ERCC6: variants seen among roughly 807,000 people sequenced by gnomAD.
ERCC6 encodes the protein DNA excision repair protein ERCC-6.
Under a neutral mutation model 158.7 loss-of-function variants are expected in ERCC6, and 116 were observed. The ratio of observed to expected loss-of-function variants is 0.73; its 90% CI spans 0.63 to 0.85. ERCC6 has a LOEUF of 0.85. Ranked by LOEUF, ERCC6 falls within the 40% of genes least tolerant of loss-of-function variation. The probability of loss-of-function intolerance (pLI) is 0.00; values close to 1 mark genes in which losing one functional copy is unlikely to be tolerated. For missense variants in ERCC6, 1,698 were observed against 1,799.4 expected (o/e 0.94, Z 1.02); for synonymous variants, 678 against 659.3 (o/e 1.03, Z -0.43).
chr10:49,491,186 C>T (rs188449665), intron 8 of ERCC6, among the ~76,000 whole-genome samples: 2 of 152,176 alleles, frequency 1.3e-5, no homozygotes, highest in Non-Finnish European at 2.9e-5. Flanking sequence ...TCCAATGTGT[C>T]GTCACCACAA....
chr10:49,524,235 C>G lies in ERCC6; in HGVS notation c.1195G>C (p.Gly399Arg). The G allele has an allele frequency of 1.2e-6, 2 of 1,614,102 alleles. No homozygotes were observed. The highest frequency in any genetic ancestry group is 1.7e-6 in the Non-Finnish European group (2 of 1,180,014). ...EGAEADLSGD[G>R]TDYELKPLPK... ...AGAGGCTTCAGCTCATAGTCAGTAC[C>G]ATCTCCAGACAGGTCCGCCTCTGCC... is the stretch of plus-strand genomic sequence containing the variant. Residue 399 changes from glycine to arginine, a missense_variant, in exon 5 of 21, where the codon GGT becomes CGT. By Grantham distance (125) the Gly-to-Arg change is moderately radical. Coordinates refer to ENST00000355832, the MANE Select transcript of ERCC6 (RefSeq NM_000124.4).
downstream of ERCC6, among the ~76,000 whole-genome samples, chr10:49,453,330 T>C (rs973789420): frequency 2.0e-5 from 3 of 152,144 alleles, no homozygotes; most frequent in African/African-American, 7.2e-5. Flanking sequence ...TCCCCCTTTT[T>C]GTGATATTTT....
chr10:49,499,596 T>C (rs1851322671), intron 7 of ERCC6, among the ~76,000 whole-genome samples: 1 of 152,188 alleles, frequency 6.6e-6, no homozygotes, highest in African/African-American at 2.4e-5. Flanking sequence ...TTACTCTTTA[T>C]ATAAGCCTAC....
chr10:49,443,829 C>CT, the ERCC6 span, among the ~76,000 whole-genome samples: 1 of 152,198 alleles, frequency 6.6e-6, no homozygotes, highest in Admixed American at 6.5e-5. Flanking sequence ...AGCTGTACCA[C>CT]TGAGGTTTGG....
chr10:49,533,671 T>G (rs973748082), intron 1 of ERCC6, among the ~76,000 whole-genome samples: 25 of 152,068 alleles, frequency 1.6e-4, no homozygotes, highest in African/African-American at 5.8e-4. Flanking sequence ...GGCCTGGTGA[T>G]GTGCACCTAT....
intron 5 of ERCC6, among the ~76,000 whole-genome samples, chr10:49,517,322 A>G (rs1455535228): frequency 1.3e-5 from 2 of 152,250 alleles, no homozygotes; most frequent in African/African-American, 2.4e-5. Flanking sequence ...CAGTAAAGTT[A>G]TATGTACCTG....
At chr10:49,491,892 G>C (rs893614233) in intron 8 of ERCC6, among the ~76,000 whole-genome samples, 1 of 152,212 alleles carries the variant, frequency 6.6e-6, no homozygotes, top group African/African-American at 2.4e-5. Context: ...TGTTTTACAA[G>C]GGTAGTGACA....
intron 7 of ERCC6, among the ~76,000 whole-genome samples, chr10:49,499,327 T>C (rs1851317517): frequency 6.6e-6 from 1 of 152,232 alleles, no homozygotes; most frequent in South Asian, 2.1e-4. Flanking sequence ...CACAGAAGTA[T>C]TGATCTGCTA....
intron 5 of ERCC6, among the ~76,000 whole-genome samples, chr10:49,520,668 A>T (rs917582830): frequency 6.6e-6 from 1 of 152,012 alleles, no homozygotes; most frequent in African/African-American, 2.4e-5. Flanking sequence ...ATCACTAAGG[A>T]ACTGCACACT....
intron 5 of ERCC6, among the ~76,000 whole-genome samples, chr10:49,517,564 T>A (rs1837018864): frequency 6.6e-6 from 1 of 152,174 alleles, no homozygotes; most frequent in Non-Finnish European, 1.5e-5. Context: ...AAATAGGTTT[T>A]AAAAGTGTAA....
At chr10:49,516,095 T>A (rs759371690) in intron 5 of ERCC6, 1 of 1,614,174 alleles carries the variant, frequency 6.2e-7, no homozygotes, top group South Asian at 1.1e-5. Flanking sequence ...GGTGTGCCTC[T>A]GTAAGTGCCT....
chr10:49,517,393 T>C (rs1289024345), intron 5 of ERCC6, among the ~76,000 whole-genome samples: 1 of 152,216 alleles, frequency 6.6e-6, no homozygotes, highest in African/African-American at 2.4e-5. Context: ...GCTCCCAGCA[T>C]GCCAGTATCT....
At chr10:49,449,426 A>G (rs899718580), downstream of ERCC6, among the ~76,000 whole-genome samples, 4 of 152,076 alleles carry the variant, frequency 2.6e-5, no homozygotes, top group Non-Finnish European at 4.4e-5. Context: ...TTAAATTTCA[A>G]TGAAGTCCAA....
At chr10:49,528,382 C>G in intron 4 of ERCC6, 35 bp downstream of exon 4, 1 of 1,612,494 alleles carries the variant, frequency 6.2e-7, no homozygotes, top group Non-Finnish European at 8.5e-7. Context: ...GGCATCAATT[C>G]AAGAACACAG....
chr10:49,535,472 TA>T lies in ERCC6; in HGVS notation c.-14-2495del, dbSNP rs368685485. 1.3e-3 allele frequency among the ~76,000 whole-genome samples: 203 copies of T among 152,310 alleles called. 1 individual carries two copies. The South Asian group carries it at 0.018, about 13-fold the overall frequency. ...GTTCCTTCTTTTGGGGCCTGCTGAT[TA>T]TTTTCAAGAGGAAGGCTCAGCTCAC... On this transcript the variant is annotated intron_variant, in intron 1 of 20. Transcript: ENST00000355832.
At chr10:49,506,530 T>C (rs1332735435) in intron 5 of ERCC6, 1 of 158,624 alleles carries the variant, frequency 6.3e-6, no homozygotes, top group Non-Finnish European at 1.4e-5. Flanking sequence ...ACATTACTGA[T>C]TACTTAACTG....
chr10:49,472,477 C>CAG lies in ERCC6; in HGVS notation c.2830-9_2830-8dup, dbSNP rs759974249. On this transcript the variant is annotated splice_polypyrimidine_tract_variant and splice_region_variant and intron_variant, in intron 15 of 20. Transcript: ENST00000355832. ...TCCATGCTCGCTCCCGGGCCTGCAA[C>CAG]AGAGAGAGAGAGACCTCTCAACGAG... The CAG allele has an allele frequency of 7.7e-5, 124 of 1,610,642 alleles. No homozygotes were observed. Among genetic ancestry groups the CAG allele is most frequent in the Non-Finnish European group, 9.5e-5 (112 of 1,177,688 alleles).
chr10:49,525,465 GA>G (rs1418541580), intron 4 of ERCC6, among the ~76,000 whole-genome samples: 1 of 152,136 alleles, frequency 6.6e-6, no homozygotes, highest in Non-Finnish European at 1.5e-5. Context: ...TTAGATATGT[GA>G]AGTTAACTGA....
rs781691729 is a variant in ERCC6, at chr10:49,473,437, A to T, written c.2709+40T>A. The T allele has an allele frequency of 5.5e-6, 7 of 1,270,008 alleles. No individual in the cohort carries two copies. The East Asian group carries it at 1.4e-4, about 25-fold the overall frequency. The allele number at this position is 1,270,008 out of a possible 1,614,324, so 78.7% of individuals were successfully genotyped here. On this transcript the variant is annotated intron_variant, in intron 14 of 20. Coordinates refer to ENST00000355832, the MANE Select transcript of ERCC6 (RefSeq NM_000124.4). ...CGCTTAGTCCTTTCCCTCCACGTAC[A>T]GCAGCACCACTCAACTTCCCTGTTA...
Sources: gnomAD v4.1 joint callset for allele counts (sites outside exome capture counted in the v4.1 genomes callset) on GRCh38, gnomAD v4.1.1 for gene constraint, MANE v1.5 for transcripts, NCBI Gene and HGNC (gene_info 2026-07-23, HGNC 2026-07-21) for gene names.